The following ECI1 variants were observed in gnomAD, a reference collection of about 807,000 sequenced individuals.
ECI1 encodes the protein enoyl-CoA delta isomerase 1, mitochondrial.
ECI1 carries 34 observed loss-of-function variants against 34.2 expected under a neutral mutation model. That is an observed-to-expected ratio of 1.00 (90% CI 0.76 to 1.33). ECI1 has a LOEUF of 1.33. Among genes scored for constraint, ECI1 ranks in the 40% most tolerant of loss-of-function variants. ECI1 has a pLI of 0.00. For missense variants in ECI1, 456 were observed against 422.2 expected, an observed-to-expected ratio of 1.08 and a Z score of -0.70; for synonymous variants, 211 against 193.0, an observed-to-expected ratio of 1.09 and a Z score of -0.77.
At position 2,243,380 on chromosome 16, in the gene ECI1, C is replaced by G. The variant is rs966272901; in HGVS notation, c.501G>C (p.Ala167=). 1.2e-6 allele frequency: 2 copies of G among 1,613,542 alleles called. No individual in the cohort carries two copies. Among genetic ancestry groups the G allele is most frequent in the African/African-American group, 2.7e-5 (2 of 74,928 alleles). Residue 167 remains alanine, a synonymous_variant, in exon 5 of 7, where the codon GCG becomes GCC. Transcript: ENST00000301729. ...VALTCDYRIL[A]DNPRYCIGLN... ...GTCCTATGCAGTACCTGGGGTTGTCCGCCAGGATGCGGTAGTCACAGGTCA... is the reference window on the plus strand; with the variant it reads ...GTCCTATGCAGTACCTGGGGTTGTCGGCCAGGATGCGGTAGTCACAGGTCA...
chr16:2,243,685 C>T (rs2093533662), intron 4 of ECI1, among the ~76,000 whole-genome samples: 1 of 152,222 alleles, frequency 6.6e-6, no homozygotes, highest in African/African-American at 2.4e-5. Flanking sequence ...AGTTCTTCGG[C>T]AACAGATAAA....
chr16:2,243,324 G>C lies in ECI1; in HGVS notation c.557C>G (p.Pro186Arg). 1.9e-6 allele frequency: 3 copies of C among 1,613,688 alleles called. No homozygotes were observed. Among genetic ancestry groups the C allele is most frequent in the Non-Finnish European group, 2.5e-6 (3 of 1,180,030 alleles). ...CTGCAGCCCAGGGCCTTACCAGAAA[G>C]GGGCGATGATGCCCAGCTGGGTCTC... is the stretch of plus-strand genomic sequence containing the variant. ...LNETQLGIIA[P>R]FWLKDTLENT... The change falls in exon 5 of 7, where the codon CCT becomes CGT. Residue 186 changes from proline to arginine, a missense_variant. Physicochemically the swap from Pro to Arg is moderately radical, Grantham distance 103. Coordinates refer to ENST00000301729, the MANE Select transcript of ECI1 (RefSeq NM_001919.4).
In ECI1 at chr16:2,251,447, G is replaced by A. The variant is rs756330053; in HGVS notation, c.53-18C>T. 6.7e-7 allele frequency: 1 copy of A among 1,500,676 alleles called. No individual in the cohort carries two copies. Among genetic ancestry groups the A allele is most frequent in the Non-Finnish European group, 8.9e-7 (1 of 1,126,588 alleles). The allele number at this position is 1,500,676 out of a possible 1,614,324, so 93.0% of individuals were successfully genotyped here. ...CCGGGCCCCTGCGAAGGCAGCGTGG[G>A]GGAGCCCGTTAGTTCCCGGTCCTGG... On this transcript the variant is annotated intron_variant, in intron 1 of 6. Coordinates refer to ENST00000301729, the MANE Select transcript of ECI1 (RefSeq NM_001919.4).
intron 3 of ECI1, among the ~76,000 whole-genome samples, chr16:2,245,052 G>A (rs560155849): frequency 6.6e-6 from 1 of 152,300 alleles, no homozygotes; most frequent in East Asian, 1.9e-4. Context: ...CGAGGGGTGA[G>A]CACAGGTGGA....
chr16:2,242,000 CA>C (rs772683286), intron 6 of ECI1, among the ~76,000 whole-genome samples: 7 of 152,080 alleles, frequency 4.6e-5, no homozygotes, highest in Non-Finnish European at 8.8e-5. Context: ...GCTGGGACTA[CA>C]GGCGCCCGCC....
At chr16:2,246,468 C>T (rs2093540520) in intron 3 of ECI1, among the ~76,000 whole-genome samples, 1 of 152,158 alleles carries the variant, frequency 6.6e-6, no homozygotes, top group African/African-American at 2.4e-5. Flanking sequence ...TCCCCAGTGT[C>T]CGCCTGGACG....
In ECI1 at chr16:2,239,785, G is replaced by A. The variant is rs2093523355; in HGVS notation, c.*194C>T. 1 of 637,772 alleles carries A rather than the reference G, an allele frequency of 1.6e-6. No homozygotes were observed. The highest frequency in any genetic ancestry group is 2.8e-5 in the East Asian group (1 of 35,812). 39.5% of individuals were successfully genotyped at this position (637,772 alleles called of 1,614,324 possible). On this transcript the variant is annotated 3_prime_UTR_variant, in exon 7 of 7. Coordinates refer to ENST00000301729, the MANE Select transcript of ECI1 (RefSeq NM_001919.4). ...GGCTGCCCTCCAACTCCCCTTGCCT[G>A]ACGGGCACAGGCACCCATGTGTGTT...
At position 2,249,680 on chromosome 16, in the gene ECI1, G is replaced by A. The variant is rs535673687; in HGVS notation, c.166+1636C>T. ...AGGTCAGGAGATCAAGACCATCCTG[G>A]CTAACATGGTGAAACCCCGTCTCCA... is the stretch of plus-strand genomic sequence containing the variant. On this transcript the variant is annotated intron_variant, in intron 2 of 6. Transcript: ENST00000301729. Among the ~76,000 whole-genome samples the A allele has an allele frequency of 5.4e-5, 8 of 149,446 alleles. No homozygotes were observed. The East Asian group carries it at 1.0e-3, about 19-fold the overall frequency.
intron 6 of ECI1, chr16:2,241,634 G>A (rs1025823755): frequency 2.0e-5 from 3 of 152,120 alleles, no homozygotes; most frequent in African/African-American, 7.2e-5. Context: ...ATCAAAAGAA[G>A]GTTAGTATTT....
chr16:2,246,779 A>G (rs1473176180), intron 3 of ECI1, 80 bp downstream of exon 3: 1 of 1,601,118 alleles, frequency 6.2e-7, no homozygotes, highest in Non-Finnish European at 8.5e-7. Flanking sequence ...TGCCTCTTCC[A>G]TGTGCAACAG....
chr16:2,246,730 G>A, intron 3 of ECI1, 129 bp downstream of exon 3: 4 of 1,442,320 alleles, frequency 2.8e-6, no homozygotes, highest in Non-Finnish European at 3.9e-6. Context: ...CCAGGGTGGT[G>A]GGGCTGCCGG....
chr16:2,248,794 G>A lies in ECI1; in HGVS notation c.167-1808C>T, dbSNP rs537893189. ...ACTGTGTTGTGCAACTATCGCCGCT[G>A]CCTAGTTCCAGAACCTTTTCATTGT... On this transcript the variant is annotated intron_variant, in intron 2 of 6. Coordinates refer to ENST00000301729, the MANE Select transcript of ECI1 (RefSeq NM_001919.4). Among the ~76,000 whole-genome samples the A allele has an allele frequency of 2.6e-5, 4 of 152,312 alleles. No homozygotes were observed. The East Asian group carries it at 5.8e-4, about 22-fold the overall frequency.
chr16:2,240,154 A>C lies in ECI1; in HGVS notation c.743-9T>G. 6.2e-7 allele frequency: 1 copy of C among 1,613,046 alleles called. No homozygotes were observed. Among genetic ancestry groups the C allele is most frequent in the Non-Finnish European group, 8.5e-7 (1 of 1,179,932 alleles). ...CAGCTGTCGAGCATGGTCTAAAGAGAATGGGACGTGCCACTGAAATCCCAC... is the reference window on the plus strand; with the variant it reads ...CAGCTGTCGAGCATGGTCTAAAGAGCATGGGACGTGCCACTGAAATCCCAC... On this transcript the variant is annotated splice_polypyrimidine_tract_variant and intron_variant, in intron 6 of 6. Transcript: ENST00000301729.
At chr16:2,249,045 A>T (rs1023216680) in intron 2 of ECI1, among the ~76,000 whole-genome samples, 11 of 151,490 alleles carry the variant, frequency 7.3e-5, no homozygotes, top group African/African-American at 2.4e-4. Flanking sequence ...TATTTTATTT[A>T]ATTAATTAAT....
At position 2,242,828 on chromosome 16, in the gene ECI1, A is replaced by G. The variant is rs143139276; in HGVS notation, c.742+218T>C. 1.1e-4 allele frequency: 67 copies of G among 600,504 alleles called. No individual in the cohort carries two copies. In the East Asian group the frequency reaches 1.8e-3, roughly 16 times the overall value. 37.2% of individuals were successfully genotyped at this position (600,504 alleles called of 1,614,324 possible). A position where few individuals can be genotyped will look rare whatever the true frequency, so the allele number is the denominator to read the frequency against. The stretch of plus-strand genomic sequence containing the variant: ...AGGGAGGAAGTGCAGTCCTGCCCAC[A>G]CTTTGATTTTGCACCTCTGGTCTCC... On this transcript the variant is annotated intron_variant, in intron 6 of 6. Coordinates refer to ENST00000301729, the MANE Select transcript of ECI1 (RefSeq NM_001919.4).
At chr16:2,250,603 C>T (rs1209935057) in intron 2 of ECI1, among the ~76,000 whole-genome samples, 4 of 152,336 alleles carry the variant, frequency 2.6e-5, no homozygotes, top group Admixed American at 1.3e-4. Context: ...CTCAGCTCGG[C>T]CTCCTGTCTG....
intron 3 of ECI1, among the ~76,000 whole-genome samples, chr16:2,245,180 C>T (rs974033606): frequency 5.3e-5 from 8 of 152,156 alleles, no homozygotes; most frequent in Non-Finnish European, 1.2e-4. Context: ...CCTGGGGACC[C>T]TGCATGGTCA....
At chr16:2,248,979 G>A (rs1172136224) in intron 2 of ECI1, among the ~76,000 whole-genome samples, 2 of 151,998 alleles carry the variant, frequency 1.3e-5, no homozygotes, top group African/African-American at 4.8e-5. Flanking sequence ...TGTCCACTTA[G>A]TATCATGTGT....
intron 4 of ECI1, 107 bp downstream of exon 4, chr16:2,244,299 C>A: frequency 2.2e-6 from 3 of 1,347,302 alleles, no homozygotes; most frequent in Admixed American, 2.0e-5. Flanking sequence ...CCTCTCCAAC[C>A]GTCCCCTTCC....
Sources: gnomAD v4.1 joint callset for allele counts (sites outside exome capture counted in the v4.1 genomes callset) on GRCh38, gnomAD v4.1.1 for gene constraint, MANE v1.5 for transcripts, NCBI Gene and HGNC (gene_info 2026-07-23, HGNC 2026-07-21) for gene names.